EXOC5: variants seen among roughly 807,000 people sequenced by gnomAD.
The protein encoded by EXOC5 is exocyst complex component 5, also known as SEC10-like 1.
EXOC5 carries 17 observed loss-of-function variants against 90.8 expected under a neutral mutation model. The ratio of observed to expected loss-of-function variants is 0.19; its 90% CI spans 0.13 to 0.28. The LOEUF is 0.28. Among genes scored for constraint, EXOC5 ranks in the 10% least tolerant of loss-of-function variants. The pLI is 1.00. For missense variants in EXOC5, 569 were observed against 830.6 expected, an observed-to-expected ratio of 0.69 and a Z score of 3.87; for synonymous variants, 260 against 270.0, an observed-to-expected ratio of 0.96 and a Z score of 0.36.
At chr14:57,263,971 G>T (rs2139673874) in intron 1 of EXOC5, among the ~76,000 whole-genome samples, 1 of 152,050 alleles carries the variant, frequency 6.6e-6, no homozygotes, top group South Asian at 2.1e-4. Flanking sequence ...ATTTCTATAT[G>T]CCATTACTAA....
chr14:57,248,846 G>GA (rs1339111829), intron 1 of EXOC5, among the ~76,000 whole-genome samples: 1 of 152,028 alleles, frequency 6.6e-6, no homozygotes, highest in African/African-American at 2.4e-5. Flanking sequence ...ATGCCACCCT[G>GA]AAATACAATG....
chr14:57,259,689 T>G (rs1002237218), intron 1 of EXOC5, among the ~76,000 whole-genome samples: 6 of 152,222 alleles, frequency 3.9e-5, no homozygotes, highest in Non-Finnish European at 7.3e-5. Flanking sequence ...ATTTCTCCAC[T>G]CTTAAACCCC....
chr14:57,242,550 C>A (rs1883900948), intron 4 of EXOC5, among the ~76,000 whole-genome samples: 1 of 151,298 alleles, frequency 6.6e-6, no homozygotes. Context: ...AGCCAAGATG[C>A]CAAAAAAGAA....
chr14:57,257,146 G>A (rs1490372347), intron 1 of EXOC5, among the ~76,000 whole-genome samples: 2 of 152,104 alleles, frequency 1.3e-5, no homozygotes, highest in African/African-American at 2.4e-5. Flanking sequence ...ATAAGTTGCT[G>A]ATAGACTGGA....
intron 4 of EXOC5, among the ~76,000 whole-genome samples, chr14:57,242,725 T>C (rs945194483): frequency 3.9e-5 from 6 of 152,296 alleles, no homozygotes; most frequent in African/African-American, 9.6e-5. Flanking sequence ...AGTCCAGAAA[T>C]TGAGACAGCT....
chr14:57,267,636 TTC>T (rs746714880), intron 1 of EXOC5, among the ~76,000 whole-genome samples: 1 of 152,258 alleles, frequency 6.6e-6, no homozygotes, highest in Admixed American at 6.5e-5. Context: ...CCGTTTTCAT[TTC>T]TTTCACACAA....
Position 57,204,983 on chromosome 14 carries a change from GA to G in EXOC5, c.*3625del, listed in dbSNP as rs1344084405. ...GCATATAGAACCTAAAAGTGAGTGAGAAAAGATTTAGGTTTCAATCTGAGCA... is the reference window on the plus strand; with the variant it reads ...GCATATAGAACCTAAAAGTGAGTGAGAAAGATTTAGGTTTCAATCTGAGCA... On this transcript the variant is annotated 3_prime_UTR_variant, in exon 18 of 18. Transcript: ENST00000621441. 2 of 151,910 alleles carry G rather than the reference GA, an allele frequency of 1.3e-5. No homozygotes were observed. The highest frequency in any genetic ancestry group is 4.8e-5 in the African/African-American group (2 of 41,420). The allele number at this position is 151,910 out of a possible 1,614,324, so 9.4% of individuals were successfully genotyped here.
intron 12 of EXOC5, among the ~76,000 whole-genome samples, chr14:57,229,156 A>G (rs1307372388): frequency 6.6e-6 from 1 of 152,178 alleles, no homozygotes; most frequent in Non-Finnish European, 1.5e-5. Context: ...TTAATCCTAC[A>G]TAACAAAAAT....
chr14:57,229,854 T>C lies in EXOC5; in HGVS notation c.1176A>G (p.Arg392=). ...GGIQDLKERI[R]QRTNLPLGPS... ...GCCCAAGTGGTAAGTTGGTACGCTG[T>C]CTAATTCTTTCCTTCAAATCTTGAA... Residue 392 remains arginine, a synonymous_variant, in exon 12 of 18, where the codon AGA becomes AGG. Coordinates refer to ENST00000621441, the MANE Select transcript of EXOC5 (RefSeq NM_006544.4). 1 of 1,487,742 alleles carries C rather than the reference T, an allele frequency of 6.7e-7. No homozygotes were observed. Among genetic ancestry groups the C allele is most frequent in the South Asian group, 1.4e-5 (1 of 73,434 alleles). The allele number at this position is 1,487,742 out of a possible 1,614,324, so 92.2% of individuals were successfully genotyped here. A position where few individuals can be genotyped will look rare whatever the true frequency, so the allele number is the denominator to read the frequency against.
chr14:57,247,473 T>G (rs1373130329), intron 2 of EXOC5, 145 bp downstream of exon 2: 1 of 423,648 alleles, frequency 2.4e-6, no homozygotes, highest in Non-Finnish European at 4.3e-6. Flanking sequence ...AAACTTTTAA[T>G]GCTCTGTTGT....
In EXOC5 at chr14:57,208,117, T is replaced by C. The variant is rs1410366398; in HGVS notation, c.*492A>G. On this transcript the variant is annotated 3_prime_UTR_variant, in exon 18 of 18. Transcript: ENST00000621441. ...CCTTTTGAAAGAGGCAAAAAAATTA[T>C]TTACGAAAACCTAAAATAATCTGAT... 5 of 152,390 alleles carry C rather than the reference T, an allele frequency of 3.3e-5. No homozygotes were observed. Among genetic ancestry groups the C allele is most frequent in the Admixed American group, 6.5e-5 (1 of 15,272 alleles). 9.4% of individuals were successfully genotyped at this position (152,390 alleles called of 1,614,324 possible). A position where few individuals can be genotyped will look rare whatever the true frequency, so the allele number is the denominator to read the frequency against.
chr14:57,204,694 A>G lies in EXOC5; in HGVS notation c.*3915T>C, dbSNP rs541806561. 16 of 152,598 alleles carry G rather than the reference A, an allele frequency of 1.0e-4. No individual in the cohort carries two copies. The East Asian group carries it at 1.3e-3, about 13-fold the overall frequency. The allele number at this position is 152,598 out of a possible 1,614,324, so 9.5% of individuals were successfully genotyped here. On this transcript the variant is annotated 3_prime_UTR_variant, in exon 18 of 18. Transcript: ENST00000621441. ...AGTATATAAAATAATACCAATAAAG[A>G]TTTGTGATAGACATATTTCTATTAG... is the stretch of plus-strand genomic sequence containing the variant.
Position 57,201,759 on chromosome 14 carries a change from C to T in EXOC5, c.*6850G>A, listed in dbSNP as rs1882515533. On this transcript the variant is annotated 3_prime_UTR_variant, in exon 18 of 18. Transcript: ENST00000621441. ...AATTGGCCAGGCATGGTGGCATGTG[C>T]CTGTAGTCCTAGCTACTTGGGAGGC... 1 of 151,582 alleles carries T rather than the reference C, an allele frequency of 6.6e-6. No homozygotes were observed. Among genetic ancestry groups the T allele is most frequent in the Non-Finnish European group, 1.5e-5 (1 of 67,950 alleles). 9.4% of individuals were successfully genotyped at this position (151,582 alleles called of 1,614,324 possible).
At chr14:57,222,798 T>TAC (rs1423003653) in intron 12 of EXOC5, among the ~76,000 whole-genome samples, 3 of 144,604 alleles carry the variant, frequency 2.1e-5, no homozygotes, top group East Asian at 2.0e-4. Flanking sequence ...CACACACACA[T>TAC]ACACACACAC....
At chr14:57,245,915 T>C (rs1433711412) in intron 3 of EXOC5, among the ~76,000 whole-genome samples, 2 of 151,962 alleles carry the variant, frequency 1.3e-5, no homozygotes, top group African/African-American at 4.8e-5. Flanking sequence ...CTGGGTGTGG[T>C]AGCATGTGCA....
intron 1 of EXOC5, among the ~76,000 whole-genome samples, chr14:57,266,035 A>T (rs1884660776): frequency 6.6e-6 from 1 of 152,220 alleles, no homozygotes; most frequent in Non-Finnish European, 1.5e-5. Flanking sequence ...CATGGGACCA[A>T]TAAGATTTTA....
rs78724611 is a variant in EXOC5 at position 57,252,028 on chromosome 14, T to C, written c.28-4316A>G. Among the ~76,000 whole-genome samples the C allele has an allele frequency of 2.6e-3, 398 of 152,234 alleles. 2 individuals are homozygous for C. Among genetic ancestry groups the C allele is most frequent in the African/African-American group, 9.1e-3 (377 of 41,538 alleles). On this transcript the variant is annotated intron_variant, in intron 1 of 17. Transcript: ENST00000621441. Reference sequence around the variant, plus strand: ...ATCCTGAAAAAACAGATAATATGAATACACCTATAGCCAGTAAGGGGACTG... The same window carrying C: ...ATCCTGAAAAAACAGATAATATGAACACACCTATAGCCAGTAAGGGGACTG...
In EXOC5 at chr14:57,205,975, T is replaced by C; in HGVS notation, c.*2634A>G. On this transcript the variant is annotated 3_prime_UTR_variant, in exon 18 of 18. Transcript: ENST00000621441. ...TTCTTCATAAGGACACTTCATCTAC[T>C]CTGGTTGACTGTCATTTTCAACATC... The C allele has an allele frequency of 2.2e-6, 1 of 456,154 alleles. No individual in the cohort carries two copies. The highest frequency in any genetic ancestry group is 4.4e-6 in the Non-Finnish European group (1 of 226,620). 28.3% of individuals were successfully genotyped at this position (456,154 alleles called of 1,614,324 possible).
intron 5 of EXOC5, among the ~76,000 whole-genome samples, chr14:57,239,018 T>A (rs1883769480): frequency 6.6e-6 from 1 of 152,088 alleles, no homozygotes; most frequent in South Asian, 2.1e-4. Context: ...GAAATCTAAC[T>A]TAGTAATGGC....
Sources: gnomAD v4.1 joint callset for allele counts (sites outside exome capture counted in the v4.1 genomes callset) on GRCh38, gnomAD v4.1.1 for gene constraint, MANE v1.5 for transcripts, NCBI Gene and HGNC (gene_info 2026-07-23, HGNC 2026-07-21) for gene names.